Variants in PTPRD observed in about 807,000 individuals in gnomAD.
PTPRD encodes the protein protein tyrosine phosphatase receptor type D.
Under a neutral mutation model 214.5 loss-of-function variants are expected in PTPRD, and 34 were observed. That is an observed-to-expected ratio of 0.16 (90% CI 0.12 to 0.21). The LOEUF (loss-of-function observed/expected upper bound fraction) is 0.21, where lower values mean the gene tolerates loss of function less well. PTPRD is among the 10% of genes least tolerant of loss of function. The probability of loss-of-function intolerance (pLI) is 1.00; values close to 1 mark genes in which losing one functional copy is unlikely to be tolerated. For synonymous variants in PTPRD, 1,128 were observed against 845.7 expected (o/e 1.33, Z -5.79); for missense variants, 2,545 against 2,398.7 (o/e 1.06, Z -1.27).
chr9:8,950,399 G>A (rs1290208108), intron 11 of PTPRD, among the ~76,000 whole-genome samples: 1 of 151,784 alleles, frequency 6.6e-6, no homozygotes. Flanking sequence ...TATGGAGAAG[G>A]GTATGTGAGT....
intron 10 of PTPRD, among the ~76,000 whole-genome samples, chr9:9,138,204 GA>G (rs1269020431): frequency 6.6e-6 from 1 of 151,614 alleles, no homozygotes. Flanking sequence ...TCTTTTATCT[GA>G]CTATAAAAAG....
chr9:8,633,570 C>A, intron 13 of PTPRD, 112 bp from the exon 14 acceptor site: 1 of 1,219,440 alleles, frequency 8.2e-7, no homozygotes, highest in Non-Finnish European at 1.1e-6. Flanking sequence ...AACTAGGCAT[C>A]ATTCTGAAAC....
At chr9:8,590,987 T>A (rs2094056125) in intron 14 of PTPRD, among the ~76,000 whole-genome samples, 1 of 152,184 alleles carries the variant, frequency 6.6e-6, no homozygotes, top group Admixed American at 6.5e-5. Flanking sequence ...TCTTCCTTCT[T>A]GCATTTTCCA....
chr9:8,860,849 C>A (rs2098088893), intron 11 of PTPRD: 1 of 152,188 alleles, frequency 6.6e-6, no homozygotes, highest in Non-Finnish European at 1.5e-5. Context: ...AGGACAAGAA[C>A]TCAGACATCA....
At chr9:8,526,267 G>GAAAAAAA (rs2074100180) in intron 17 of PTPRD, among the ~76,000 whole-genome samples, 2 of 75,986 alleles carry the variant, frequency 2.6e-5, no homozygotes, top group Non-Finnish European at 2.8e-5. Context: ...AAAGGAAAAA[G>GAAAAAAA]AAGAAAAAAA....
intron 9 of PTPRD, among the ~76,000 whole-genome samples, chr9:9,206,274 C>T (rs1281963700): frequency 6.6e-6 from 1 of 152,046 alleles, no homozygotes; most frequent in Non-Finnish European, 1.5e-5. Flanking sequence ...CTTTATAGAC[C>T]ATTCAAAAGA....
At chr9:10,299,614 G>A (rs946373322) in intron 3 of PTPRD, among the ~76,000 whole-genome samples, 4 of 152,078 alleles carry the variant, frequency 2.6e-5, no homozygotes, top group Non-Finnish European at 4.4e-5. Context: ...CCTTACATTG[G>A]CCAAGGCAGT....
At chr9:10,367,132 A>T (rs2097531993) in intron 2 of PTPRD, among the ~76,000 whole-genome samples, 3 of 151,992 alleles carry the variant, frequency 2.0e-5, no homozygotes. Context: ...CTTGATAGAT[A>T]CAGGTTTACA....
intron 21 of PTPRD, among the ~76,000 whole-genome samples, chr9:8,510,086 C>T (rs1290092168): frequency 2.0e-5 from 3 of 151,926 alleles, no homozygotes; most frequent in South Asian, 2.1e-4. Context: ...GGGTTCGAGA[C>T]CAGCCCAGGC....
At chr9:9,776,663 C>G (rs904320573) in intron 5 of PTPRD, among the ~76,000 whole-genome samples, 1 of 152,174 alleles carries the variant, frequency 6.6e-6, no homozygotes, top group Non-Finnish European at 1.5e-5. Flanking sequence ...AGTTTAACAA[C>G]CTAATCAGCC....
intron 10 of PTPRD, among the ~76,000 whole-genome samples, chr9:9,064,887 T>C (rs1202091498): frequency 1.3e-5 from 2 of 152,194 alleles, no homozygotes; most frequent in African/African-American, 2.4e-5. Flanking sequence ...GTCATGAAGA[T>C]ACAATACAAT....
intron 11 of PTPRD, among the ~76,000 whole-genome samples, chr9:8,782,938 G>C (rs147363638): frequency 6.6e-6 from 1 of 152,180 alleles, no homozygotes; most frequent in African/African-American, 2.4e-5. Flanking sequence ...TACGTAGCCA[G>C]AAAAGCTCCA....
chr9:8,934,470 TATATATAA>T lies in PTPRD; in HGVS notation c.-104+84219_-104+84226del, dbSNP rs1567099562. 7.8e-3 allele frequency among the ~76,000 whole-genome samples: 115 copies of T among 14,710 alleles called. 9 individuals are homozygous for T. The highest frequency in any genetic ancestry group is 0.017 in the Admixed American group (23 of 1,348). The allele number at this position is 14,710 out of a possible 152,430, so 9.7% of individuals were successfully genotyped here. ...ATAAATTTATATATATATAAATATA[TATATATAA>T]ATATATATATATATAAATATATATA... On this transcript the variant is annotated intron_variant, in intron 11 of 45. Coordinates refer to ENST00000381196, the MANE Select transcript of PTPRD (RefSeq NM_002839.4).
chr9:10,441,149 C>T (rs554492135), intron 2 of PTPRD, among the ~76,000 whole-genome samples: 1 of 151,732 alleles, frequency 6.6e-6, no homozygotes, highest in South Asian at 2.1e-4. Flanking sequence ...TCTCCTAGTC[C>T]ACCATCCACA....
intron 8 of PTPRD, among the ~76,000 whole-genome samples, chr9:9,534,818 T>C (rs2076200348): frequency 6.6e-6 from 1 of 152,090 alleles, no homozygotes; most frequent in Non-Finnish European, 1.5e-5. Flanking sequence ...CTCTATCATA[T>C]ACCATGTAAT....
At chr9:10,304,156 C>CA (rs1045528969) in intron 3 of PTPRD, among the ~76,000 whole-genome samples, 4 of 152,152 alleles carry the variant, frequency 2.6e-5, no homozygotes, top group Non-Finnish European at 5.9e-5. Context: ...GAACCAATGA[C>CA]AAAAAACACA....
chr9:10,475,727 C>G (rs2099058435), intron 2 of PTPRD, among the ~76,000 whole-genome samples: 1 of 152,020 alleles, frequency 6.6e-6, no homozygotes, highest in African/African-American at 2.4e-5. Flanking sequence ...CAAAAATTCT[C>G]AATAAAATAC....
intron 11 of PTPRD, among the ~76,000 whole-genome samples, chr9:8,842,730 G>A (rs1012499438): frequency 6.6e-6 from 1 of 152,136 alleles, no homozygotes; most frequent in African/African-American, 2.4e-5. Context: ...GTGCTTGTCA[G>A]CATTAATTAC....
At chr9:9,541,788 G>A (rs2077638297) in intron 8 of PTPRD, among the ~76,000 whole-genome samples, 1 of 151,798 alleles carries the variant, frequency 6.6e-6, no homozygotes, top group Non-Finnish European at 1.5e-5. Context: ...TAAGTCAGTG[G>A]TCTGGCTGAA....
Sources: allele counts gnomAD v4.1 joint callset (sites outside exome capture counted in the v4.1 genomes callset), GRCh38; gene constraint gnomAD v4.1.1; transcripts MANE v1.5; gene names NCBI Gene and HGNC (gene_info 2026-07-23, HGNC 2026-07-21).